The following UGT2B7 variants were observed in gnomAD, a reference collection of about 807,000 sequenced individuals.
UGT2B7 encodes the protein UDP-glucuronosyltransferase 2B7.
In UGT2B7, 51 loss-of-function variants were observed where a neutral mutation model predicts 51.9. The ratio of observed to expected loss-of-function variants is 0.98; its 90% confidence interval spans 0.78 to 1.24. The LOEUF (loss-of-function observed/expected upper bound fraction) is 1.24. Ranked by LOEUF, UGT2B7 falls within the 50% of genes most tolerant of loss-of-function variation. The pLI, the probability that UGT2B7 is intolerant of heterozygous loss-of-function variation, is 0.00. For missense variants in UGT2B7, 727 were observed against 628.4 expected (o/e 1.16, Z -1.68); for synonymous variants, 225 against 211.6 (o/e 1.06, Z -0.55).
chr4:69,075,646 A>G (rs1718686625), intron 1 of UGT2B7, among the ~76,000 whole-genome samples: 1 of 152,184 alleles, frequency 6.6e-6, no homozygotes, highest in Admixed American at 6.6e-5. Flanking sequence ...AATACTGTGT[A>G]TGAACCACCT....
chr4:69,081,401 T>C (rs1265403984), intron 1 of UGT2B7, among the ~76,000 whole-genome samples: 1 of 152,174 alleles, frequency 6.6e-6, no homozygotes, highest in Non-Finnish European at 1.5e-5. Flanking sequence ...CTTGCCAATC[T>C]TTGTTTAGCT....
At chr4:69,088,027 T>G (rs1183554999) in intron 1 of UGT2B7, among the ~76,000 whole-genome samples, 1 of 152,042 alleles carries the variant, frequency 6.6e-6, no homozygotes, top group Non-Finnish European at 1.5e-5. Flanking sequence ...CTTTCTAGAC[T>G]TTTTATTTCT....
chr4:69,090,722 C>T (rs928479683), intron 2 of UGT2B7, among the ~76,000 whole-genome samples: 6 of 152,024 alleles, frequency 3.9e-5, no homozygotes, highest in Non-Finnish European at 8.8e-5. Flanking sequence ...CCATATCAGG[C>T]CATTATGATC....
intron 1 of UGT2B7, among the ~76,000 whole-genome samples, chr4:69,083,259 G>T (rs1054039330): frequency 6.6e-6 from 1 of 152,028 alleles, no homozygotes; most frequent in African/African-American, 2.4e-5. Flanking sequence ...CATCTATTCT[G>T]CAGCCCACTA....
intron 1 of UGT2B7, among the ~76,000 whole-genome samples, chr4:69,079,539 C>A (rs143376414): frequency 3.0e-4 from 46 of 152,218 alleles, no homozygotes; most frequent in African/African-American, 1.1e-3. Flanking sequence ...CATATTGTGA[C>A]AGGTCTTTCT....
chr4:69,080,011 T>G (rs940527208), intron 1 of UGT2B7, among the ~76,000 whole-genome samples: 1 of 151,316 alleles, frequency 6.6e-6, no homozygotes, highest in Non-Finnish European at 1.5e-5. Flanking sequence ...TTTTTTGCAT[T>G]TTTTCCCTGT....
intron 2 of UGT2B7, among the ~76,000 whole-genome samples, chr4:69,102,348 T>A (rs6600884): frequency 2.0e-5 from 3 of 152,006 alleles, no homozygotes; most frequent in African/African-American, 4.8e-5. Flanking sequence ...AACCACTAAC[T>A]GTTTCCAACT....
intron 1 of UGT2B7, among the ~76,000 whole-genome samples, chr4:69,063,318 C>CAAAAAA (rs556109411): frequency 4.2e-5 from 1 of 23,852 alleles, no homozygotes. Flanking sequence ...GACTCCGTCT[C>CAAAAAA]AAAAAAAAAA....
intron 1 of UGT2B7, among the ~76,000 whole-genome samples, chr4:69,057,026 G>A (rs1184053553): frequency 6.6e-6 from 1 of 152,204 alleles, no homozygotes; most frequent in African/African-American, 2.4e-5. Flanking sequence ...ATCAACTCAT[G>A]ACTTAGAAAC....
chr4:69,085,486 A>G lies in UGT2B7; in HGVS notation c.-158-3986A>G, dbSNP rs145382711. Among the ~76,000 whole-genome samples the G allele has an allele frequency of 4.9e-3, 739 of 152,144 alleles. 7 individuals are homozygous for G. Among genetic ancestry groups the G allele is most frequent in the African/African-American group, 0.017 (713 of 41,518 alleles). The stretch of plus-strand genomic sequence containing the variant: ...TAGTTTAATTAGATCCCATTTGTCA[A>G]TTTTGACTTTGTTGCAATTGCTTTT... On this transcript the variant is annotated intron_variant, in intron 1 of 5. Transcript: ENST00000502942.
chr4:69,057,816 CAAGTT>C (rs1179060333), intron 1 of UGT2B7, among the ~76,000 whole-genome samples: 1 of 152,150 alleles, frequency 6.6e-6, no homozygotes, highest in East Asian at 1.9e-4. Context: ...GTTAGGGAGT[CAAGTT>C]AACCCACTGA....
At position 69,080,285 on chromosome 4, in the gene UGT2B7, C is replaced by T. The variant is rs190416484; in HGVS notation, c.-158-9187C>T. 2.0e-3 allele frequency among the ~76,000 whole-genome samples: 297 copies of T among 152,168 alleles called. 2 individuals are homozygous for T. Among genetic ancestry groups the T allele is most frequent in the African/African-American group, 6.4e-3 (266 of 41,532 alleles). ...TCTGTCTGCCAGGTGTGGTGGCTCACACCTGTAATCCCAGCACTTTGGGAT... is the reference window on the plus strand; with the variant it reads ...TCTGTCTGCCAGGTGTGGTGGCTCATACCTGTAATCCCAGCACTTTGGGAT... On this transcript the variant is annotated intron_variant, in intron 1 of 5. Transcript: ENST00000502942.
upstream of UGT2B7, among the ~76,000 whole-genome samples, chr4:69,095,063 T>C (rs1171725685): frequency 6.6e-6 from 1 of 152,236 alleles, no homozygotes; most frequent in Non-Finnish European, 1.5e-5. Flanking sequence ...TTTTATTATA[T>C]TTGCAGTTAC....
At chr4:69,086,227 ATAAT>A (rs1264454061) in intron 1 of UGT2B7, among the ~76,000 whole-genome samples, 1 of 151,802 alleles carries the variant, frequency 6.6e-6, no homozygotes, top group African/African-American at 2.4e-5. Flanking sequence ...ATATTTTAAA[ATAAT>A]TTATCTATGG....
At chr4:69,056,664 C>T (rs1718209238) in intron 1 of UGT2B7, among the ~76,000 whole-genome samples, 1 of 152,204 alleles carries the variant, frequency 6.6e-6, no homozygotes, top group African/African-American at 2.4e-5. Flanking sequence ...TAAGAACCTA[C>T]TTACCGCTCC....
chr4:69,107,416 CA>C (rs11302069), intron 4 of UGT2B7, among the ~76,000 whole-genome samples, 154 bp downstream of exon 4: 89,709 of 151,908 alleles, frequency 0.59, 27,847 homozygotes, highest in African/African-American at 0.77. Flanking sequence ...AGAAAGAATA[CA>C]TTATAATTTT....
At chr4:69,082,332 G>A (rs977689679) in intron 1 of UGT2B7, among the ~76,000 whole-genome samples, 1 of 151,642 alleles carries the variant, frequency 6.6e-6, no homozygotes, top group South Asian at 2.1e-4. Context: ...CATGAGGAAG[G>A]CATGTTAAAA....
intron 1 of UGT2B7, 36 bp downstream of exon 1, chr4:69,097,277 A>G: frequency 6.3e-7 from 1 of 1,585,032 alleles, no homozygotes; most frequent in Non-Finnish European, 8.5e-7. Context: ...ATGAAGCTCT[A>G]ACTTATTTGT....
chr4:69,090,050 G>T (rs1451079730), intron 2 of UGT2B7, among the ~76,000 whole-genome samples: 2 of 152,188 alleles, frequency 1.3e-5, no homozygotes, highest in African/African-American at 2.4e-5. Context: ...CAGTGTACTT[G>T]GGTATAAAAG....
Sources: gnomAD v4.1 joint callset for allele counts (sites outside exome capture counted in the v4.1 genomes callset) on GRCh38, gnomAD v4.1.1 for gene constraint, MANE v1.5 for transcripts, NCBI Gene and HGNC (gene_info 2026-07-23, HGNC 2026-07-21) for gene names.